Variants in CCDC171 observed in about 807,000 individuals in gnomAD.
The protein encoded by CCDC171 is coiled-coil domain-containing protein 171.
In CCDC171, 177 loss-of-function variants were observed where a neutral mutation model predicts 168.2. The observed-to-expected ratio is 1.05, with a 90% confidence interval of 0.93 to 1.19. CCDC171 has a LOEUF of 1.19. CCDC171 is among the 50% of genes most tolerant of loss of function. The pLI is 0.00. For synonymous variants in CCDC171, 687 were observed against 540.8 expected, an observed-to-expected ratio of 1.27 and a Z score of -3.75; for missense variants, 1,991 against 1,539.0, an observed-to-expected ratio of 1.29 and a Z score of -4.91.
chr9:15,827,613 CAT>C (rs1477613732), intron 21 of CCDC171, among the ~76,000 whole-genome samples: 15 of 152,254 alleles, frequency 9.9e-5, no homozygotes, highest in African/African-American at 3.6e-4. Context: ...AGGGGAATGC[CAT>C]ATCTTTCCTT....
chr9:15,766,485 A>G (rs775059906), intron 18 of CCDC171, among the ~76,000 whole-genome samples: 11 of 151,852 alleles, frequency 7.2e-5, no homozygotes, highest in Non-Finnish European at 1.6e-4. Flanking sequence ...CCATATTGCA[A>G]TAAATTAAGT....
At chr9:15,722,994 G>A (rs577152979) in intron 12 of CCDC171, among the ~76,000 whole-genome samples, 1 of 152,280 alleles carries the variant, frequency 6.6e-6, no homozygotes, top group South Asian at 2.1e-4. Flanking sequence ...AATGTCACAT[G>A]ATCCTCAGCA....
chr9:15,811,004 C>G (rs2059330935), intron 21 of CCDC171, among the ~76,000 whole-genome samples: 2 of 152,256 alleles, frequency 1.3e-5, no homozygotes, highest in South Asian at 2.1e-4. Context: ...TGGCTAGTAA[C>G]TGTCATATCA....
At chr9:15,737,216 C>T (rs2054555184) in intron 16 of CCDC171, among the ~76,000 whole-genome samples, 1 of 151,922 alleles carries the variant, frequency 6.6e-6, no homozygotes, top group African/African-American at 2.4e-5. Flanking sequence ...ATATATAGCA[C>T]ACTGTGTTGC....
chr9:15,951,035 A>G (rs1410243925), intron 25 of CCDC171, among the ~76,000 whole-genome samples: 2 of 149,874 alleles, frequency 1.3e-5, no homozygotes, highest in Non-Finnish European at 3.0e-5. Flanking sequence ...GAAGGCCATT[A>G]CATAATGGTA....
chr9:15,632,844 A>G (rs1018968526), intron 7 of CCDC171, among the ~76,000 whole-genome samples: 15 of 152,338 alleles, frequency 9.8e-5, no homozygotes, highest in African/African-American at 2.6e-4. Flanking sequence ...ATAGAACAGA[A>G]CAGAGCACTC....
intron 3 of CCDC171, among the ~76,000 whole-genome samples, chr9:15,982,271 C>A (rs1328012838): frequency 6.6e-6 from 1 of 152,036 alleles, no homozygotes; most frequent in Admixed American, 6.6e-5. Flanking sequence ...TGTTTATGGC[C>A]CAGCGTAGTG....
chr9:15,573,437 A>G (rs901468662), intron 3 of CCDC171, among the ~76,000 whole-genome samples: 2 of 151,860 alleles, frequency 1.3e-5, no homozygotes, highest in Non-Finnish European at 2.9e-5. Flanking sequence ...ACGTGCCACC[A>G]TGCCCGGCTA....
Position 15,695,324 on chromosome 9 carries a change from C to T in CCDC171, c.1305C>T (p.Gly435=), listed in dbSNP as rs777337596. 6.2e-7 allele frequency: 1 copy of T among 1,612,926 alleles called. No individual in the cohort carries two copies. Among genetic ancestry groups the T allele is most frequent in the Non-Finnish European group, 8.5e-7 (1 of 1,178,924 alleles). The part of the protein sequence containing the change: ...ESILDSFTVS[G]QWTSGIHKDK... ...TCTTGGACAGCTTTACTGTGTCGGG[C>T]CAGTGGACATCAGGTTAGTTGAAGG... Residue 435 remains glycine (G), a synonymous_variant, in exon 11 of 26, where the codon GGC becomes GGT. Transcript: ENST00000380701.
intron 21 of CCDC171, among the ~76,000 whole-genome samples, chr9:15,828,733 G>C (rs1275123137): frequency 6.6e-6 from 1 of 152,104 alleles, no homozygotes; most frequent in Non-Finnish European, 1.5e-5. Flanking sequence ...CAATGAAAAT[G>C]ATTTTTCTCT....
At chr9:15,793,638 T>C (rs2058398225) in intron 21 of CCDC171, among the ~76,000 whole-genome samples, 1 of 138,184 alleles carries the variant, frequency 7.2e-6, no homozygotes, top group Non-Finnish European at 1.5e-5. Context: ...CAAGCTCTAC[T>C]CTCCAGGTTC....
At chr9:15,638,855 C>G (rs1821957832) in intron 7 of CCDC171, among the ~76,000 whole-genome samples, 1 of 151,784 alleles carries the variant, frequency 6.6e-6, no homozygotes, top group African/African-American at 2.4e-5. Context: ...AAAGAAATAT[C>G]CATGGCTTTT....
chr9:15,869,039 C>T (rs1050039104), intron 23 of CCDC171, among the ~76,000 whole-genome samples: 7 of 151,920 alleles, frequency 4.6e-5, no homozygotes, highest in East Asian at 1.9e-4. Flanking sequence ...CTAAATTATA[C>T]TGTATTGTTT....
At chr9:15,570,222 C>T (rs2040113336) in intron 2 of CCDC171, among the ~76,000 whole-genome samples, 1 of 152,044 alleles carries the variant, frequency 6.6e-6, no homozygotes, top group Non-Finnish European at 1.5e-5. Context: ...CTGCCCGCCA[C>T]AGCCTCCCAA....
chr9:15,810,655 C>G (rs546456712), intron 21 of CCDC171, among the ~76,000 whole-genome samples: 44 of 152,146 alleles, frequency 2.9e-4, no homozygotes, highest in Non-Finnish European at 5.0e-4. Flanking sequence ...GGTGCTAAGC[C>G]CCTCCCTGCC....
chr9:15,854,123 G>C (rs2061255322), intron 23 of CCDC171, among the ~76,000 whole-genome samples: 1 of 150,122 alleles, frequency 6.7e-6, no homozygotes, highest in East Asian at 1.9e-4. Flanking sequence ...TCATAGAATA[G>C]GTTAGGAGAT....
Position 15,832,573 on chromosome 9 carries a change from A to G in CCDC171, c.3268-14129A>G, listed in dbSNP as rs61143404. Among the ~76,000 whole-genome samples the G allele has an allele frequency of 5.3e-3, 814 of 152,330 alleles. 5 individuals carry two copies. Among genetic ancestry groups the G allele is most frequent in the African/African-American group, 0.019 (797 of 41,576 alleles). On this transcript the variant is annotated intron_variant, in intron 21 of 25. Coordinates refer to ENST00000380701, the MANE Select transcript of CCDC171 (RefSeq NM_173550.4). ...TGTTATGTGAACATAGAAAAAATAC[A>G]ATAGAAATATGGTATAGAAGATAAA...
intron 2 of CCDC171, among the ~76,000 whole-genome samples, chr9:15,567,277 C>T (rs1407186712): frequency 6.6e-6 from 1 of 152,150 alleles, no homozygotes; most frequent in Non-Finnish European, 1.5e-5. Context: ...GCCTCAGCCT[C>T]CCACAGTGCT....
At position 15,846,803 on chromosome 9, in the gene CCDC171, G is replaced by A. The variant is rs1229343367; in HGVS notation, c.3369G>A (p.Glu1123=). 6.2e-7 allele frequency: 1 copy of A among 1,611,160 alleles called. No individual in the cohort carries two copies. The highest frequency in any genetic ancestry group is 1.7e-5 in the Admixed American group (1 of 59,622). ...TQLEQDKRRL[E]ENIHDAESAL... is the part of the protein sequence containing the mutation. The stretch of plus-strand genomic sequence containing the variant: ...TGGAGCAGGACAAGCGTCGACTGGA[G>A]GAGAACATCCATGATGCAGAGAGTG... The change falls in exon 22 of 26, where the codon GAG becomes GAA. Residue 1123 remains glutamate (E), a synonymous_variant. Coordinates refer to ENST00000380701, the MANE Select transcript of CCDC171 (RefSeq NM_173550.4).
Sources: allele counts gnomAD v4.1 joint callset (sites outside exome capture counted in the v4.1 genomes callset), GRCh38; gene constraint gnomAD v4.1.1; transcripts MANE v1.5; gene names NCBI Gene and HGNC (gene_info 2026-07-23, HGNC 2026-07-21).